The following HDAC9 variants were observed in gnomAD, a reference collection of about 807,000 sequenced individuals.
HDAC9 encodes the protein MEF-2 interacting transcription repressor (MITR) protein.
In HDAC9, 41 loss-of-function variants were observed where a neutral mutation model predicts 139.4. The ratio of observed to expected loss-of-function variants is 0.29; its 90% CI spans 0.23 to 0.38. The LOEUF is 0.38. HDAC9 is among the 10% of genes least tolerant of loss of function. The pLI is 1.00. For missense variants in HDAC9, 1,147 were observed against 1,297.0 expected (o/e 0.88, Z 1.78); for synonymous variants, 517 against 476.2 (o/e 1.09, Z -1.12).
At chr7:18,472,417 T>A (rs1173877428) in intron 1 of HDAC9, among the ~76,000 whole-genome samples, 4 of 152,088 alleles carry the variant, frequency 2.6e-5, no homozygotes, top group Non-Finnish European at 5.9e-5. Flanking sequence ...TATGTCCCCA[T>A]CTCCCACATG....
chr7:18,268,525 T>C (rs1160446584), intron 2 of HDAC9, among the ~76,000 whole-genome samples: 2 of 152,136 alleles, frequency 1.3e-5, no homozygotes, highest in Non-Finnish European at 2.9e-5. Context: ...GAAAATTCTC[T>C]CTTAGGCTCA....
chr7:18,529,585 A>G (rs189395100), intron 2 of HDAC9, among the ~76,000 whole-genome samples: 1 of 152,362 alleles, frequency 6.6e-6, no homozygotes, highest in Admixed American at 6.5e-5. Context: ...TAACTTTAAC[A>G]TAACAGAAAA....
chr7:18,236,653 C>T (rs1199682422), intron 2 of HDAC9, among the ~76,000 whole-genome samples: 1 of 152,118 alleles, frequency 6.6e-6, no homozygotes, highest in Admixed American at 6.5e-5. Context: ...ATGAACCAAA[C>T]AGATGAAGTG....
At chr7:18,472,852 G>A (rs1358652691) in intron 1 of HDAC9, among the ~76,000 whole-genome samples, 1 of 152,192 alleles carries the variant, frequency 6.6e-6, no homozygotes, top group Non-Finnish European at 1.5e-5. Context: ...GTATGCCCCA[G>A]GAGGGCAGAG....
intron 17 of HDAC9, among the ~76,000 whole-genome samples, chr7:18,821,052 C>A (rs1237849526): frequency 6.6e-6 from 1 of 152,150 alleles, no homozygotes; most frequent in Non-Finnish European, 1.5e-5. Flanking sequence ...TCTTTCTCTG[C>A]CTCCAAAATG....
intron 2 of HDAC9, among the ~76,000 whole-genome samples, chr7:18,522,326 G>C (rs980168595): frequency 1.3e-5 from 2 of 152,116 alleles, no homozygotes; most frequent in Non-Finnish European, 2.9e-5. Context: ...GGGGATAGAC[G>C]TTTTAACAAA....
intron 1 of HDAC9, among the ~76,000 whole-genome samples, chr7:18,148,165 T>C (rs1244868451): frequency 6.6e-6 from 1 of 152,222 alleles, no homozygotes; most frequent in Non-Finnish European, 1.5e-5. Context: ...GTGTGCTGGC[T>C]TGAAACAACA....
chr7:18,905,870 CCTTT>C (rs1423082483), intron 22 of HDAC9, among the ~76,000 whole-genome samples: 1 of 151,518 alleles, frequency 6.6e-6, no homozygotes, highest in African/African-American at 2.4e-5. Context: ...TTCTTTCTTT[CCTTT>C]CTTTTCCTTC....
intron 1 of HDAC9, among the ~76,000 whole-genome samples, chr7:18,100,479 T>C (rs765007777): frequency 1.3e-5 from 2 of 152,200 alleles, no homozygotes; most frequent in Non-Finnish European, 2.9e-5. Context: ...TTTATTTTTA[T>C]TTTTTCTTCT....
chr7:18,699,841 A>G (rs1273040397), intron 12 of HDAC9, among the ~76,000 whole-genome samples: 1 of 152,090 alleles, frequency 6.6e-6, no homozygotes, highest in African/African-American at 2.4e-5. Context: ...ATCTTTTACT[A>G]TTTGGTACAT....
chr7:18,316,261 C>G (rs948843693), intron 1 of HDAC9, among the ~76,000 whole-genome samples: 2 of 152,042 alleles, frequency 1.3e-5, no homozygotes, highest in East Asian at 1.9e-4. Flanking sequence ...GCACAATATG[C>G]ATAGAAGAAA....
intron 2 of HDAC9, among the ~76,000 whole-genome samples, chr7:18,533,268 T>C (rs976671827): frequency 1.6e-4 from 25 of 152,216 alleles, no homozygotes; most frequent in African/African-American, 6.0e-4. Context: ...TCCAGCCTTC[T>C]TTCTCTATTG....
chr7:18,529,190 A>C (rs1807999976), intron 2 of HDAC9, among the ~76,000 whole-genome samples: 1 of 152,086 alleles, frequency 6.6e-6, no homozygotes, highest in Non-Finnish European at 1.5e-5. Flanking sequence ...AGAAGAAAAA[A>C]AAAATCTTTT....
At chr7:18,303,813 C>T (rs535713022) in intron 1 of HDAC9, among the ~76,000 whole-genome samples, 6 of 152,290 alleles carry the variant, frequency 3.9e-5, no homozygotes, top group Admixed American at 3.9e-4. Context: ...GCTCCATGTT[C>T]CTTCCCCGTT....
intron 19 of HDAC9, among the ~76,000 whole-genome samples, chr7:18,831,121 T>A (rs1476477467): frequency 6.6e-6 from 1 of 152,186 alleles, no homozygotes; most frequent in African/African-American, 2.4e-5. Flanking sequence ...GGTCAACAGT[T>A]TGTCCTATCC....
intron 1 of HDAC9, among the ~76,000 whole-genome samples, chr7:18,457,575 ACCCATTAT>A (rs1253644506): frequency 2.1e-4 from 32 of 152,292 alleles, no homozygotes; most frequent in African/African-American, 2.6e-4. Context: ...TGTGCAGCTG[ACCCATTAT>A]ATTTACAAAT....
chr7:18,825,107 A>T (rs1338419568), intron 17 of HDAC9, among the ~76,000 whole-genome samples: 1 of 152,210 alleles, frequency 6.6e-6, no homozygotes, highest in Non-Finnish European at 1.5e-5. Flanking sequence ...AGTGACTTTG[A>T]TATATCCAAG....
chr7:18,585,626 A>G, intron 3 of HDAC9, 104 bp downstream of exon 3: 13 of 1,358,284 alleles, frequency 9.6e-6, no homozygotes, highest in Non-Finnish European at 1.3e-5. Context: ...ACTGTGATTA[A>G]GACATGGATA....
intron 12 of HDAC9, among the ~76,000 whole-genome samples, chr7:18,717,858 A>C (rs1302377091): frequency 2.0e-5 from 3 of 152,214 alleles, no homozygotes; most frequent in African/African-American, 7.2e-5. Context: ...CACCAATAGA[A>C]ATTAAGAAAG....
Sources: allele counts gnomAD v4.1 joint callset (sites outside exome capture counted in the v4.1 genomes callset), GRCh38; gene constraint gnomAD v4.1.1; transcripts MANE v1.5; gene names NCBI Gene and HGNC (gene_info 2026-07-23, HGNC 2026-07-21).